Variants in TNPO1 observed in about 807,000 individuals in gnomAD.
TNPO1 encodes transportin-1.
TNPO1 carries 8 observed loss-of-function variants against 119.5 expected under a neutral mutation model. The observed-to-expected ratio is 0.07, with a 90% CI of 0.04 to 0.12. The LOEUF is 0.12. Ranked by LOEUF, TNPO1 falls within the 10% of genes least tolerant of loss-of-function variation. TNPO1 has a pLI of 1.00. For missense variants in TNPO1, 576 were observed against 1,089.8 expected (o/e 0.53, Z 6.64); for synonymous variants, 362 against 363.0 (o/e 1.00, Z 0.03).
intron 6 of TNPO1, among the ~76,000 whole-genome samples, chr5:72,868,447 A>C (rs1410045246): frequency 7.4e-5 from 11 of 148,660 alleles, no homozygotes; most frequent in African/African-American, 2.7e-4. Context: ...AAAAAAAAAA[A>C]AAAAAAAAAA....
intron 1 of TNPO1, among the ~76,000 whole-genome samples, chr5:72,829,549 T>C (rs1744354413): frequency 6.6e-6 from 1 of 152,214 alleles, no homozygotes; most frequent in African/African-American, 2.4e-5. Flanking sequence ...CCCTCAAGGA[T>C]AGGAGTGGCT....
chr5:72,909,980 C>T lies in TNPO1; in HGVS notation c.*1307C>T, dbSNP rs1183850707. The T allele has an allele frequency of 1.3e-5, 2 of 152,570 alleles. No individual in the cohort carries two copies. The highest frequency in any genetic ancestry group is 6.5e-5 in the Admixed American group (1 of 15,274). 9.5% of individuals were successfully genotyped at this position (152,570 alleles called of 1,614,324 possible). On this transcript the variant is annotated 3_prime_UTR_variant, in exon 25 of 25. Transcript: ENST00000337273. ...GTGGTAAAAGATCTGTAAAAGGCTG[C>T]ATAAATGTTAGTTGGCACATAAAGA... is the stretch of plus-strand genomic sequence containing the variant.
chr5:72,845,999 A>C (rs899544600), intron 1 of TNPO1, among the ~76,000 whole-genome samples: 1 of 152,208 alleles, frequency 6.6e-6, no homozygotes, highest in Non-Finnish European at 1.5e-5. Flanking sequence ...CACTGGTATC[A>C]GGGGAAATTA....
At chr5:72,908,229 A>T (rs973173603) in intron 24 of TNPO1, among the ~76,000 whole-genome samples, 25 of 152,174 alleles carry the variant, frequency 1.6e-4, no homozygotes, top group African/African-American at 5.1e-4. Flanking sequence ...TTGTGTTTTG[A>T]TAGGTTGGAT....
intron 1 of TNPO1, among the ~76,000 whole-genome samples, chr5:72,829,921 G>A (rs1744375167): frequency 6.6e-6 from 1 of 152,116 alleles, no homozygotes; most frequent in Non-Finnish European, 1.5e-5. Context: ...GACAGGTTGT[G>A]GCTGTGAGTT....
At chr5:72,876,804 T>G (rs1396717267) in intron 8 of TNPO1, among the ~76,000 whole-genome samples, 1 of 152,000 alleles carries the variant, frequency 6.6e-6, no homozygotes, top group African/African-American at 2.4e-5. Flanking sequence ...CTTTAAAAAT[T>G]CAAATTCTGG....
In TNPO1 at chr5:72,913,356, T is replaced by G. The variant is rs1358025324; in HGVS notation, c.*4683T>G. 6.6e-6 allele frequency: 1 copy of G among 152,410 alleles called. No individual in the cohort carries two copies. The highest frequency in any genetic ancestry group is 1.5e-5 in the Non-Finnish European group (1 of 67,916). 9.4% of individuals were successfully genotyped at this position (152,410 alleles called of 1,614,324 possible). A position where few individuals can be genotyped will look rare whatever the true frequency, so the allele number is the denominator to read the frequency against. On this transcript the variant is annotated 3_prime_UTR_variant, in exon 25 of 25. Transcript: ENST00000337273. ...ACTTACGTAGATAATTCTTTATGCC[T>G]AGTTATTATACATATTAATTTTTAA... is the stretch of plus-strand genomic sequence containing the variant.
At chr5:72,901,377 G>A (rs933099652) in intron 22 of TNPO1, among the ~76,000 whole-genome samples, 1 of 151,908 alleles carries the variant, frequency 6.6e-6, no homozygotes, top group Non-Finnish European at 1.5e-5. Flanking sequence ...CTTTGTCCCT[G>A]CCTCCCATCC....
At chr5:72,821,845 T>A (rs1041750526) in intron 1 of TNPO1, among the ~76,000 whole-genome samples, 1 of 152,198 alleles carries the variant, frequency 6.6e-6, no homozygotes, top group African/African-American at 2.4e-5. Context: ...AAAGATCTGC[T>A]GTGTTCTTGG....
At chr5:72,828,544 G>A (rs1309712855) in intron 1 of TNPO1, among the ~76,000 whole-genome samples, 1 of 151,978 alleles carries the variant, frequency 6.6e-6, no homozygotes, top group African/African-American at 2.4e-5. Context: ...TTTTTGGGGG[G>A]TCATTTGAGA....
chr5:72,893,329 G>A, intron 16 of TNPO1, 48 bp from the exon 17 acceptor site: 1 of 1,605,352 alleles, frequency 6.2e-7, no homozygotes, highest in Non-Finnish European at 8.5e-7. Flanking sequence ...GACTTTTTAA[G>A]TAGTTAATTA....
At chr5:72,896,624 C>A in intron 19 of TNPO1, 68 bp downstream of exon 19, 1 of 1,265,568 alleles carries the variant, frequency 7.9e-7, no homozygotes, top group Non-Finnish European at 1.1e-6. Flanking sequence ...AATCCCAGCA[C>A]TTCGGGAGGC....
intron 4 of TNPO1, among the ~76,000 whole-genome samples, chr5:72,857,592 C>T (rs928355428): frequency 6.6e-6 from 1 of 152,102 alleles, no homozygotes; most frequent in East Asian, 1.9e-4. Context: ...TTTTCCATTT[C>T]GGATCCAGGA....
At chr5:72,885,604 C>T (rs1426098321) in intron 11 of TNPO1, among the ~76,000 whole-genome samples, 3 of 152,150 alleles carry the variant, frequency 2.0e-5, no homozygotes, top group African/African-American at 7.2e-5. Context: ...TCAGTACATA[C>T]AGATTTAGAT....
At chr5:72,887,277 AC>A in intron 12 of TNPO1, 55 bp downstream of exon 12, 4 of 1,122,508 alleles carry the variant, frequency 3.6e-6, no homozygotes, top group Non-Finnish European at 4.9e-6. Context: ...ACTATTAGGT[AC>A]TAATAAGGCT....
rs565213741 is a variant in TNPO1, at chr5:72,891,783, T to G, written c.1702-27T>G. On this transcript the variant is annotated intron_variant, in intron 14 of 24. Transcript: ENST00000337273. The stretch of plus-strand genomic sequence containing the variant: ...CTTGTTGACATGTGATAGTGGAATT[T>G]TATATGTTTTTCATCATTGTAAATA... The G allele has an allele frequency of 2.3e-5, 34 of 1,506,364 alleles. No individual in the cohort carries two copies. The African/African-American group carries it at 4.0e-4, about 18-fold the overall frequency. 93.3% of individuals were successfully genotyped at this position (1,506,364 alleles called of 1,614,324 possible).
intron 24 of TNPO1, among the ~76,000 whole-genome samples, chr5:72,907,267 C>T (rs1037306694): frequency 1.3e-5 from 2 of 152,142 alleles, no homozygotes; most frequent in African/African-American, 4.8e-5. Context: ...CTTCAATGAG[C>T]TACTAACAAG....
chr5:72,892,875 A>G (rs745561564), intron 15 of TNPO1, among the ~76,000 whole-genome samples: 2 of 151,914 alleles, frequency 1.3e-5, no homozygotes, highest in Non-Finnish European at 2.9e-5. Context: ...ATATGAACAC[A>G]TAATACTCAA....
rs550087255 is a variant in TNPO1, at chr5:72,849,142, C to G, written c.129+644C>G. On this transcript the variant is annotated intron_variant, in intron 2 of 24. Coordinates refer to ENST00000337273, the MANE Select transcript of TNPO1 (RefSeq NM_002270.4). ...ACACCTGTTGCGAACTCCTTGTCAC[C>G]CAAGTGAGATTTTCTTTTTAAAGCT... is the stretch of plus-strand genomic sequence containing the variant. Among the ~76,000 whole-genome samples, 137 of 152,276 alleles carry G rather than the reference C, an allele frequency of 9.0e-4. 1 individual carries two copies. Among genetic ancestry groups the G allele is most frequent in the African/African-American group, 3.2e-3 (134 of 41,556 alleles).
Sources: allele counts gnomAD v4.1 joint callset (sites outside exome capture counted in the v4.1 genomes callset), GRCh38; gene constraint gnomAD v4.1.1; transcripts MANE v1.5; gene names NCBI Gene and HGNC (gene_info 2026-07-23, HGNC 2026-07-21).